The following GABRA2 variants were observed in gnomAD, a reference collection of about 807,000 sequenced individuals.
GABRA2 encodes the protein gamma-aminobutyric acid type A receptor subunit alpha2, also known as gamma-aminobutyric acid receptor subunit alpha-2.
In GABRA2, 16 loss-of-function variants were observed where a neutral mutation model predicts 48.7. The ratio of observed to expected loss-of-function variants is 0.33; its 90% confidence interval spans 0.22 to 0.50. GABRA2 has a LOEUF of 0.50. Among genes scored for constraint, GABRA2 ranks in the 20% least tolerant of loss-of-function variants. The pLI is 0.98. For missense variants in GABRA2, 275 were observed against 535.6 expected, an observed-to-expected ratio of 0.51 and a Z score of 4.80; for synonymous variants, 185 against 184.5, an observed-to-expected ratio of 1.00 and a Z score of -0.02.
intron 3 of GABRA2, among the ~76,000 whole-genome samples, chr4:46,344,142 A>G (rs779741365): frequency 6.6e-6 from 1 of 152,048 alleles, no homozygotes; most frequent in Non-Finnish European, 1.5e-5. Context: ...CAGTCCCAAC[A>G]TTTAAACAAT....
chr4:46,329,319 T>TA (rs774899741), intron 4 of GABRA2, among the ~76,000 whole-genome samples: 4 of 152,134 alleles, frequency 2.6e-5, no homozygotes, highest in Non-Finnish European at 5.9e-5. Flanking sequence ...CACTCCAATG[T>TA]AGTCACAAGA....
intron 8 of GABRA2, among the ~76,000 whole-genome samples, chr4:46,295,512 G>A (rs1393909960): frequency 6.6e-6 from 1 of 152,168 alleles, no homozygotes; most frequent in Non-Finnish European, 1.5e-5. Flanking sequence ...TCTTGTCTAT[G>A]GACACCACCC....
At chr4:46,300,221 A>G (rs1725496947) in intron 8 of GABRA2, among the ~76,000 whole-genome samples, 1 of 151,962 alleles carries the variant, frequency 6.6e-6, no homozygotes, top group Admixed American at 6.6e-5. Flanking sequence ...GACCATCAGT[A>G]ACCTTCTACT....
In GABRA2 at chr4:46,243,964, C is replaced by T. The variant is rs1027553890; in HGVS notation, c.*6344G>A. Reference sequence around the variant, plus strand: ...CACATCACATCTACTGGAAACATTTCATGAAAGGTGATGTTCCTTAGTTTG... The same window carrying T: ...CACATCACATCTACTGGAAACATTTTATGAAAGGTGATGTTCCTTAGTTTG... On this transcript the variant is annotated 3_prime_UTR_variant, in exon 10 of 10. Transcript: ENST00000381620. 6.6e-6 allele frequency: 1 copy of T among 151,494 alleles called. No homozygotes were observed. The highest frequency in any genetic ancestry group is 2.4e-5 in the African/African-American group (1 of 41,382). The allele number at this position is 151,494 out of a possible 1,614,324, so 9.4% of individuals were successfully genotyped here. A position where few individuals can be genotyped will look rare whatever the true frequency, so the allele number is the denominator to read the frequency against.
chr4:46,298,993 TTA>T (rs1725250401), intron 8 of GABRA2, among the ~76,000 whole-genome samples: 1 of 151,062 alleles, frequency 6.6e-6, no homozygotes, highest in Non-Finnish European at 1.5e-5. Flanking sequence ...TATACATATA[TTA>T]TATGATTATT....
chr4:46,259,676 G>A (rs578179410), intron 9 of GABRA2, among the ~76,000 whole-genome samples: 10 of 151,844 alleles, frequency 6.6e-5, no homozygotes, highest in East Asian at 1.9e-4. Flanking sequence ...TCATTTGCTC[G>A]TTGGATTGAC....
chr4:46,353,573 G>A (rs966995087), intron 3 of GABRA2, among the ~76,000 whole-genome samples: 4 of 152,060 alleles, frequency 2.6e-5, no homozygotes, highest in African/African-American at 4.8e-5. Flanking sequence ...CTCACCCTCT[G>A]TGTCTTTGCC....
rs116700399 is a variant in GABRA2, at chr4:46,304,228, A to G, written c.704-616T>C. 4.5e-3 allele frequency among the ~76,000 whole-genome samples: 687 copies of G among 152,268 alleles called. 3 individuals are homozygous for G. The highest frequency in any genetic ancestry group is 0.012 in the South Asian group (56 of 4,826). Reference sequence around the variant, plus strand: ...TCTCTGTTTTTGATTGTTCTAACTCAGTGCTCTCTGGCTCCAAAAGTATTG... The same window carrying G: ...TCTCTGTTTTTGATTGTTCTAACTCGGTGCTCTCTGGCTCCAAAAGTATTG... On this transcript the variant is annotated intron_variant, in intron 7 of 9. Coordinates refer to ENST00000381620, the MANE Select transcript of GABRA2 (RefSeq NM_000807.4).
intron 8 of GABRA2, among the ~76,000 whole-genome samples, chr4:46,297,937 T>A (rs1462114225): frequency 6.6e-6 from 1 of 152,116 alleles, no homozygotes; most frequent in Non-Finnish European, 1.5e-5. Flanking sequence ...TGTGTTTTCA[T>A]TTTAATTTCC....
At chr4:46,342,049 C>T (rs1032663914) in intron 3 of GABRA2, among the ~76,000 whole-genome samples, 1 of 151,366 alleles carries the variant, frequency 6.6e-6, no homozygotes, top group East Asian at 2.0e-4. Context: ...AGATCCAACC[C>T]GATTCTGTCA....
chr4:46,388,809 G>A (rs1717830489), intron 1 of GABRA2, 93 bp from the exon 2 acceptor site: 1 of 1,575,890 alleles, frequency 6.3e-7, no homozygotes, highest in Admixed American at 1.8e-5. Flanking sequence ...CTTTTAGTTA[G>A]GGATTCGTGT....
At chr4:46,276,323 T>A (rs984748715) in intron 8 of GABRA2, among the ~76,000 whole-genome samples, 2 of 152,082 alleles carry the variant, frequency 1.3e-5, no homozygotes, top group African/African-American at 4.8e-5. Context: ...TTAACTAGGT[T>A]AATTTCCCTT....
At position 46,269,754 on chromosome 4, in the gene GABRA2, A is replaced by T. The variant is rs1184109306; in HGVS notation, c.857-7626T>A. On this transcript the variant is annotated intron_variant, in intron 8 of 9. Coordinates refer to ENST00000381620, the MANE Select transcript of GABRA2 (RefSeq NM_000807.4). ...TTTTACTATTGTAAAATGAAATACC[A>T]GAAATAAAATTAAAAGATAAAATCT... is the stretch of plus-strand genomic sequence containing the variant. 5.9e-5 allele frequency among the ~76,000 whole-genome samples: 9 copies of T among 151,904 alleles called. No homozygotes were observed. In the South Asian group the frequency reaches 1.9e-3, roughly 31 times the overall value.
intron 8 of GABRA2, among the ~76,000 whole-genome samples, chr4:46,282,986 T>C (rs112759724): frequency 0.012 from 1,888 of 152,298 alleles, 44 homozygotes; most frequent in African/African-American, 0.043. Flanking sequence ...CCACATAGTT[T>C]GGTAGTAAAA....
chr4:46,377,864 G>T (rs1410171973), intron 3 of GABRA2, among the ~76,000 whole-genome samples: 3 of 148,928 alleles, frequency 2.0e-5, no homozygotes, highest in African/African-American at 5.0e-5. Context: ...AGGTGGGGGG[G>T]TCAGCCCCCC....
intron 3 of GABRA2, among the ~76,000 whole-genome samples, chr4:46,348,205 C>T (rs180931543): frequency 0.016 from 2,363 of 152,100 alleles, 21 homozygotes; most frequent in Middle Eastern, 0.024. Context: ...CAGAGAAATG[C>T]AAATCAAAAC....
intron 3 of GABRA2, among the ~76,000 whole-genome samples, chr4:46,378,199 G>A (rs917667312): frequency 4.7e-4 from 71 of 152,276 alleles, no homozygotes; most frequent in African/African-American, 1.6e-3. Flanking sequence ...TGACAATGGC[G>A]GTTTTGTGGA....
chr4:46,258,336 G>T (rs1464296998), intron 9 of GABRA2, among the ~76,000 whole-genome samples: 1 of 151,804 alleles, frequency 6.6e-6, no homozygotes, highest in Non-Finnish European at 1.5e-5. Flanking sequence ...AGGTTCTAAT[G>T]CAAAAGAACA....
At chr4:46,302,871 G>T (rs1452794355) in intron 8 of GABRA2, among the ~76,000 whole-genome samples, 1 of 151,988 alleles carries the variant, frequency 6.6e-6, no homozygotes, top group Non-Finnish European at 1.5e-5. Flanking sequence ...TGTTCTTCTT[G>T]GGAGGTACCT....
Sources: gnomAD v4.1 joint callset for allele counts (sites outside exome capture counted in the v4.1 genomes callset) on GRCh38, gnomAD v4.1.1 for gene constraint, MANE v1.5 for transcripts, NCBI Gene and HGNC (gene_info 2026-07-23, HGNC 2026-07-21) for gene names.